The following MFGE8 variants were observed in gnomAD, a reference collection of about 807,000 sequenced individuals.
The protein encoded by MFGE8 is lactadherin.
A neutral mutation model predicts 42.6 loss-of-function variants in MFGE8; 34 were observed. That is an observed-to-expected ratio of 0.80 (90% confidence interval 0.61 to 1.06). The LOEUF (loss-of-function observed/expected upper bound fraction) is 1.06. Ranked by LOEUF, MFGE8 falls within the 50% of genes least tolerant of loss-of-function variation. The pLI is 0.00. For synonymous variants in MFGE8, 230 were observed against 214.8 expected, an observed-to-expected ratio of 1.07 and a Z score of -0.62; for missense variants, 510 against 516.9, an observed-to-expected ratio of 0.99 and a Z score of 0.13.
intron 1 of MFGE8, chr15:88,912,297 G>C: frequency 7.8e-7 from 1 of 1,283,784 alleles, no homozygotes; most frequent in South Asian, 1.2e-5. Flanking sequence ...AGAAGATCCA[G>C]CTGTCTTTCA....
intron 1 of MFGE8, chr15:88,912,876 G>A: frequency 2.0e-6 from 2 of 985,360 alleles, no homozygotes; most frequent in Non-Finnish European, 2.4e-6. Context: ...CCATACTAGA[G>A]TCCTAGAATC....
Position 88,899,796 on chromosome 15 carries a change from AGG to A in MFGE8, c.884_885del (p.Ser295PhefsTer14). ...GTGATGATGCCTGTCACCTCCTTCG[AGG>A]AGCCCAGGTCCACCTACAGAAGAAA... The part of the protein sequence containing the change: ...NDQWLQVDLG[S>X]SKEVTGIITQ... On this transcript the variant is annotated frameshift_variant, in exon 7 of 8. Coordinates refer to ENST00000268150, the MANE Select transcript of MFGE8 (RefSeq NM_005928.4). LOFTEE classifies it high-confidence loss of function. The surrounding 1 kb of genome is among the most constrained non-coding windows in gnomAD (Gnocchi z 6.8). 2 of 1,613,972 alleles carry A rather than the reference AGG, an allele frequency of 1.2e-6. No individual in the cohort carries two copies. The highest frequency in any genetic ancestry group is 1.7e-6 in the Non-Finnish European group (2 of 1,179,880).
In MFGE8 at chr15:88,900,983, A is replaced by T. The variant is rs527431275; in HGVS notation, c.870+568T>A. 1.2e-4 allele frequency among the ~76,000 whole-genome samples: 18 copies of T among 144,212 alleles called. No individual in the cohort carries two copies. The South Asian group carries it at 2.0e-3, about 16-fold the overall frequency. The allele number at this position is 144,212 out of a possible 152,430, so 94.6% of individuals were successfully genotyped here. Reference sequence around the variant, plus strand: ...CACACATACACACACATTCACACACACACATTCACACACACACATTCACAC... The same window carrying T: ...CACACATACACACACATTCACACACTCACATTCACACACACACATTCACAC... On this transcript the variant is annotated intron_variant, in intron 6 of 7. Coordinates refer to ENST00000268150, the MANE Select transcript of MFGE8 (RefSeq NM_005928.4).
At chr15:88,910,716 G>C (rs777347762) in intron 1 of MFGE8, 3 of 153,530 alleles carry the variant, frequency 2.0e-5, no homozygotes, top group Non-Finnish European at 4.3e-5. Flanking sequence ...AGTAAAGAAT[G>C]TTCCAAGAAA....
In MFGE8 at chr15:88,905,728, GC is replaced by G. The variant is rs767073395; in HGVS notation, c.685+28del. On this transcript the variant is annotated intron_variant, in intron 5 of 7. Coordinates refer to ENST00000268150, the MANE Select transcript of MFGE8 (RefSeq NM_005928.4). This position sits in a 1 kb window ranked among gnomAD's most constrained non-coding sequence, Gnocchi z 6.6. ...CCACCTCCTAGGATTGGCCAACAGT[GC>G]CCCCCTACCCGCACCCCCAGCACTC... 5.0e-6 allele frequency: 8 copies of G among 1,613,456 alleles called. No individual in the cohort carries two copies. The highest frequency in any genetic ancestry group is 3.3e-5 in the South Asian group (3 of 91,062).
In MFGE8 at chr15:88,913,232, G is replaced by T; in HGVS notation, c.73+15C>A. On this transcript the variant is annotated intron_variant, in intron 1 of 7. Coordinates refer to ENST00000268150, the MANE Select transcript of MFGE8 (RefSeq NM_005928.4). Reference sequence around the variant, plus strand: ...GAGGAGGGGCGAGGGGCAGAGGGCGGCGCGATCCACTCACCCAGGGCGACG... The same window carrying T: ...GAGGAGGGGCGAGGGGCAGAGGGCGTCGCGATCCACTCACCCAGGGCGACG... The T allele has an allele frequency of 6.7e-7, 1 of 1,501,244 alleles. No individual in the cohort carries two copies. 93.0% of individuals were successfully genotyped at this position (1,501,244 alleles called of 1,614,324 possible).
intron 2 of MFGE8, among the ~76,000 whole-genome samples, 191 bp downstream of exon 2, chr15:88,909,601 G>A (rs1898859213): frequency 6.6e-6 from 1 of 152,210 alleles, no homozygotes; most frequent in Non-Finnish European, 1.5e-5. Context: ...AGAAACAACA[G>A]GACCCTTTTC....
intron 5 of MFGE8, 31 bp from the exon 6 acceptor site, chr15:88,901,766 T>A (rs200494226): frequency 6.2e-7 from 1 of 1,608,152 alleles, no homozygotes. Context: ...CATCTGGATC[T>A]GGGATCCACA....
intron 1 of MFGE8, 172 bp downstream of exon 1, chr15:88,913,075 C>G (rs35936125): frequency 0.32 from 320,036 of 985,060 alleles, 52,783 homozygotes; most frequent in South Asian, 0.35. Context: ...AGCAGGGCCG[C>G]ATCCCCCTGT....
rs1898877434 is a variant in MFGE8, at chr15:88,909,893, C to T, written c.104G>A (p.Gly35Asp). ...DICSKNPCHN[G>D]GLCEEISQEV... ...TTGGGAAATCTCCTCGCATAAACCA[C>T]CGTTGTGGCAGGGGTTTTTGGAACA... Residue 35 changes from glycine to aspartate, a missense_variant, in exon 2 of 8, where the codon GGT (glycine) becomes GAT (aspartate). By Grantham distance (94) the Gly-to-Asp change is moderately conservative. Coordinates refer to ENST00000268150, the MANE Select transcript of MFGE8 (RefSeq NM_005928.4). 2 of 1,614,074 alleles carry T rather than the reference C, an allele frequency of 1.2e-6. No homozygotes were observed. Among genetic ancestry groups the T allele is most frequent in the African/African-American group, 1.3e-5 (1 of 74,938 alleles).
chr15:88,912,155 T>C, intron 1 of MFGE8: 1 of 1,289,830 alleles, frequency 7.8e-7, no homozygotes, highest in Non-Finnish European at 1.0e-6. Context: ...TGTTTCCTCC[T>C]TCTGGAAAAG....
intron 6 of MFGE8, chr15:88,900,659 C>A: frequency 2.1e-6 from 2 of 973,184 alleles, no homozygotes; most frequent in Non-Finnish European, 2.4e-6. Context: ...CAACTCACTG[C>A]CAGCCAGCAG....
In MFGE8 at chr15:88,907,316, G is replaced by A. The variant is rs749386709; in HGVS notation, c.266C>T (p.Ser89Leu). The A allele has an allele frequency of 2.5e-6, 4 of 1,614,192 alleles. No homozygotes were observed. The highest frequency in any genetic ancestry group is 1.7e-5 in the Admixed American group (1 of 60,030). The change falls in exon 3 of 8, where the codon TCG becomes TTG. Residue 89 changes from serine to leucine, a missense_variant. Coordinates refer to ENST00000268150, the MANE Select transcript of MFGE8 (RefSeq NM_005928.4). ...GNIANSQIAA[S>L]SVRVTFLGLQ... ...ACCCAAGAAGGTCACACGCACAGAC[G>A]AGGCGGCGATCTGTGAGTTGGCAAT...
intron 6 of MFGE8, 34 bp downstream of exon 6, chr15:88,901,517 A>AAACCCAAAAAGGAGGCC: frequency 9.3e-7 from 1 of 1,072,614 alleles, no homozygotes; most frequent in Non-Finnish European, 1.4e-6. Context: ...ATCCCACCCA[A>AAACCCAAAAAGGAGGCC]CCCCAGCCCC....
intron 2 of MFGE8, among the ~76,000 whole-genome samples, chr15:88,909,065 C>T (rs1341676202): frequency 6.6e-6 from 1 of 152,218 alleles, no homozygotes; most frequent in Non-Finnish European, 1.5e-5. Flanking sequence ...ATGTGGGCAA[C>T]CCGCCTGCCC....
At position 88,901,424 on chromosome 15, in the gene MFGE8, A is replaced by T. The variant is rs1286072653; in HGVS notation, c.870+127T>A. The T allele has an allele frequency of 3.3e-6, 3 of 915,874 alleles. No homozygotes were observed. The African/African-American group carries it at 5.0e-5, about 15-fold the overall frequency. The allele number at this position is 915,874 out of a possible 1,614,324, so 56.7% of individuals were successfully genotyped here. A position where few individuals can be genotyped will look rare whatever the true frequency, so the allele number is the denominator to read the frequency against. On this transcript the variant is annotated intron_variant, in intron 6 of 7. Transcript: ENST00000268150. ...GAAGAAGAAAGAAAAGCCGAAGAAA[A>T]ACAAGGCTTTTCCAGAACTCTTTTG... is the stretch of plus-strand genomic sequence containing the variant.
At chr15:88,908,120 C>T (rs987234804) in intron 2 of MFGE8, among the ~76,000 whole-genome samples, 2 of 152,160 alleles carry the variant, frequency 1.3e-5, no homozygotes, top group Admixed American at 6.5e-5. Context: ...ATCACTCCAG[C>T]AGTGTGGTCC....
Position 88,899,037 on chromosome 15 carries a change from G to A in MFGE8, c.*358C>T, listed in dbSNP as rs115022860. The A allele has an allele frequency of 0.01, 3,621 of 349,250 alleles. 105 individuals are homozygous for A. Among genetic ancestry groups the A allele is most frequent in the African/African-American group, 0.065 (3,103 of 47,922 alleles). The allele number at this position is 349,250 out of a possible 1,614,324, so 21.6% of individuals were successfully genotyped here. ...CCATGGGAATGTGATGTGTGAGAGA[G>A]GGGCTAGGAGAGACAGAGACACACG... On this transcript the variant is annotated 3_prime_UTR_variant, in exon 8 of 8. Transcript: ENST00000268150. The surrounding 1 kb of genome is among the most constrained non-coding windows in gnomAD (Gnocchi z 6.8).
rs746194590 is a variant in MFGE8 at position 88,909,942 on chromosome 15, A to G, written c.74-19T>C. On this transcript the variant is annotated intron_variant, in intron 1 of 7. Transcript: ENST00000268150. The stretch of plus-strand genomic sequence containing the variant: ...CAGATATCTGGGGACAGAGACAGGT[A>G]AGATGAGCAGATGATCAGGAAGGAG... 6 of 1,613,580 alleles carry G rather than the reference A, an allele frequency of 3.7e-6. No homozygotes were observed. The highest frequency in any genetic ancestry group is 5.1e-6 in the Non-Finnish European group (6 of 1,179,742).
Sources: allele counts gnomAD v4.1 joint callset (sites outside exome capture counted in the v4.1 genomes callset), GRCh38; gene constraint gnomAD v4.1.1; non-coding constraint Gnocchi (gnomAD v3.1); transcripts MANE v1.5; gene names NCBI Gene and HGNC (gene_info 2026-07-23, HGNC 2026-07-21).